The following IRF8 variants were observed in gnomAD, a reference collection of about 807,000 sequenced individuals.
IRF8 encodes the protein interferon regulatory factor 8, also known as interferon consensus sequence binding protein 1.
IRF8 carries 14 observed loss-of-function variants against 48.7 expected under a neutral mutation model. That is an observed-to-expected ratio of 0.29 (90% CI 0.19 to 0.45). The LOEUF is 0.45. IRF8 is among the 20% of genes least tolerant of loss of function. IRF8 has a pLI of 1.00. For missense variants in IRF8, 493 were observed against 580.7 expected (o/e 0.85, Z 1.55); for synonymous variants, 278 against 227.3 (o/e 1.22, Z -2.01).
chr16:85,918,884 G>T, intron 7 of IRF8, 81 bp downstream of exon 7: 1 of 1,561,842 alleles, frequency 6.4e-7, no homozygotes, highest in Non-Finnish European at 8.7e-7. Flanking sequence ...GCTCAGGGTG[G>T]CCCTGTGGTC....
intron 3 of IRF8, 116 bp downstream of exon 3, chr16:85,909,289 CA>C: frequency 2.5e-6 from 2 of 801,362 alleles, no homozygotes; most frequent in Non-Finnish European, 4.3e-6. Flanking sequence ...TTCAGTTAAA[CA>C]AAGCAGTTCT....
At chr16:85,899,804 A>T (rs549452266) in intron 1 of IRF8, among the ~76,000 whole-genome samples, 2 of 152,358 alleles carry the variant, frequency 1.3e-5, no homozygotes, top group South Asian at 2.1e-4. Flanking sequence ...TCACAAAAGC[A>T]TTGTTTGAAA....
intron 6 of IRF8, among the ~76,000 whole-genome samples, chr16:85,915,650 C>T (rs1220553642): frequency 2.0e-5 from 3 of 152,234 alleles, no homozygotes; most frequent in Admixed American, 6.5e-5. Context: ...GCCCGGCAGC[C>T]GCCATGCTCA....
At chr16:85,909,397 G>C (rs1282668425) in intron 3 of IRF8, 3 of 565,004 alleles carry the variant, frequency 5.3e-6, no homozygotes, top group African/African-American at 3.8e-5. Flanking sequence ...CCCACTTGCT[G>C]CCTGACCACA....
intron 3 of IRF8, chr16:85,909,448 C>T (rs1396925423): frequency 1.3e-5 from 6 of 469,342 alleles, no homozygotes; most frequent in South Asian, 8.8e-5. Context: ...AAGCATCCTC[C>T]AGCAGTTTCT....
chr16:85,918,892 G>C (rs560402145), intron 7 of IRF8, 89 bp downstream of exon 7: 1 of 1,516,472 alleles, frequency 6.6e-7, no homozygotes, highest in Non-Finnish European at 9.0e-7. Flanking sequence ...TGGCCCTGTG[G>C]TCTCATGGAG....
intron 6 of IRF8, among the ~76,000 whole-genome samples, chr16:85,918,059 G>A (rs1002360967): frequency 6.6e-6 from 1 of 152,202 alleles, no homozygotes; most frequent in African/African-American, 2.4e-5. Context: ...CTATGAGACG[G>A]AGTATTGTCA....
At position 85,920,138 on chromosome 16, in the gene IRF8, C is replaced by T. The variant is rs765523642; in HGVS notation, c.1018C>T (p.Arg340Trp). The T allele has an allele frequency of 3.7e-6, 6 of 1,613,286 alleles. No homozygotes were observed. Among genetic ancestry groups the T allele is most frequent in the Admixed American group, 3.3e-5 (2 of 59,992 alleles). ...ELQQFYNSQG[R>W]LPDGRVVLCF... The stretch of plus-strand genomic sequence containing the variant: ...GCAGCAGTTCTATAACAGCCAGGGC[C>T]GGCTTCCTGACGGCAGGGTGGTGCT... Residue 340 changes from arginine (R) to tryptophan (W), a missense_variant, in exon 8 of 9, where the codon CGG (arginine) becomes TGG (tryptophan). Around this residue, in one of 3 missense-constraint regions of IRF8, gnomAD observed 408 missense variants for 449.6 expected, o/e 0.91. Coordinates refer to ENST00000268638, the MANE Select transcript of IRF8 (RefSeq NM_002163.4).
intron 5 of IRF8, 165 bp downstream of exon 5, chr16:85,913,401 A>C (rs562056031): frequency 1.5e-6 from 1 of 650,830 alleles, no homozygotes; most frequent in African/African-American, 1.8e-5. Flanking sequence ...GTTTCCCAAC[A>C]TGAGGGCAGA....
intron 7 of IRF8, among the ~76,000 whole-genome samples, chr16:85,919,022 A>G (rs570703107): frequency 1.6e-4 from 24 of 152,260 alleles, no homozygotes; most frequent in African/African-American, 5.8e-4. Flanking sequence ...CCCCATGTGT[A>G]CAGTGGGGGT....
intron 1 of IRF8, among the ~76,000 whole-genome samples, chr16:85,899,451 G>A (rs1221825557): frequency 1.3e-5 from 2 of 152,380 alleles, no homozygotes; most frequent in South Asian, 2.1e-4. Flanking sequence ...AAGATTGGTA[G>A]ATAGATGCCT....
intron 2 of IRF8, among the ~76,000 whole-genome samples, chr16:85,905,211 C>G (rs527596256): frequency 1.3e-5 from 2 of 152,274 alleles, no homozygotes; most frequent in East Asian, 3.9e-4. Context: ...GTGTTGGGTG[C>G]TGAAGGCACA....
chr16:85,899,920 A>G (rs1904773875), intron 1 of IRF8, among the ~76,000 whole-genome samples: 2 of 152,208 alleles, frequency 1.3e-5, no homozygotes, highest in South Asian at 2.1e-4. Flanking sequence ...GGCTTTACGG[A>G]TGGAAACTAG....
Position 85,921,095 on chromosome 16 carries a change from C to G in IRF8, c.1105-11C>G. 1 of 1,609,178 alleles carries G rather than the reference C, an allele frequency of 6.2e-7. No individual in the cohort carries two copies. Among genetic ancestry groups the G allele is most frequent in the Non-Finnish European group, 8.5e-7 (1 of 1,177,758 alleles). On this transcript the variant is annotated splice_polypyrimidine_tract_variant and intron_variant, in intron 8 of 8. Coordinates refer to ENST00000268638, the MANE Select transcript of IRF8 (RefSeq NM_002163.4). ...CGCCTCTGCCTCTGACTTTCTGCAC[C>G]TCCCATCTAGATTGAGCAGCTGTAT...
intron 7 of IRF8, among the ~76,000 whole-genome samples, chr16:85,919,833 C>T (rs527362908): frequency 6.6e-6 from 1 of 152,348 alleles, no homozygotes; most frequent in East Asian, 1.9e-4. Flanking sequence ...CAGGTAAGAG[C>T]AATGCACGAA....
At chr16:85,901,514 G>C (rs11117413) in intron 1 of IRF8, among the ~76,000 whole-genome samples, 4 of 152,074 alleles carry the variant, frequency 2.6e-5, no homozygotes, top group African/African-American at 7.2e-5. Flanking sequence ...GGTACTCAAG[G>C]GGCTGAGGCA....
chr16:85,913,083 G>T, intron 4 of IRF8, 48 bp from the exon 5 acceptor site: 1 of 1,289,602 alleles, frequency 7.8e-7, no homozygotes, highest in Non-Finnish European at 1.1e-6. Flanking sequence ...GCCCCAGGTG[G>T]GAGATCAGTG....
rs1597253353 is a variant in IRF8 at position 85,911,779 on chromosome 16, G to A, written c.447+121G>A. Reference sequence around the variant, plus strand: ...CCAGACCCTCGGGCTCGCTGAGGAAGTGGCATCTCCACCTGTACAGATCTG... The same window carrying A: ...CCAGACCCTCGGGCTCGCTGAGGAAATGGCATCTCCACCTGTACAGATCTG... On this transcript the variant is annotated intron_variant, in intron 4 of 8. Transcript: ENST00000268638. 5.1e-6 allele frequency: 4 copies of A among 781,400 alleles called. No individual in the cohort carries two copies. The East Asian group carries it at 1.1e-4, about 22-fold the overall frequency. The allele number at this position is 781,400 out of a possible 1,614,324, so 48.4% of individuals were successfully genotyped here.
chr16:85,902,580 G>A, intron 1 of IRF8: 1 of 254,962 alleles, frequency 3.9e-6, no homozygotes, highest in South Asian at 5.3e-5. Context: ...GGCCAGCTGG[G>A]CATCTGGTAG....
Sources: allele counts gnomAD v4.1 joint callset (sites outside exome capture counted in the v4.1 genomes callset), GRCh38; gene constraint gnomAD v4.1.1; regional missense constraint gnomAD v4.1.1; transcripts MANE v1.5; gene names NCBI Gene and HGNC (gene_info 2026-07-23, HGNC 2026-07-21).